Variants in CAMK1D observed in about 807,000 individuals in gnomAD.
CAMK1D encodes calcium/calmodulin-dependent protein kinase type 1D.
CAMK1D carries 9 observed loss-of-function variants against 47.7 expected under a neutral mutation model. The ratio of observed to expected loss-of-function variants is 0.19; its 90% CI spans 0.11 to 0.33. The LOEUF (loss-of-function observed/expected upper bound fraction) is 0.33. Among genes scored for constraint, CAMK1D ranks in the 10% least tolerant of loss-of-function variants. The probability of loss-of-function intolerance (pLI) is 1.00; values close to 1 mark genes in which losing one functional copy is unlikely to be tolerated. For synonymous variants in CAMK1D, 184 were observed against 184.9 expected (o/e 0.99, Z 0.04); for missense variants, 291 against 488.7 (o/e 0.60, Z 3.81).
At chr10:12,564,660 T>C (rs1410735742) in intron 2 of CAMK1D, among the ~76,000 whole-genome samples, 1 of 152,220 alleles carries the variant, frequency 6.6e-6, no homozygotes, top group East Asian at 1.9e-4. Context: ...TGGATTAATA[T>C]CCATTTTTTA....
intron 1 of CAMK1D, among the ~76,000 whole-genome samples, chr10:12,492,182 C>T (rs572282574): frequency 2.0e-4 from 30 of 152,114 alleles, no homozygotes; most frequent in Admixed American, 3.9e-4. Flanking sequence ...GTGGCTGTTG[C>T]GGCTGCAGGC....
At chr10:12,688,504 A>G (rs1174001332) in intron 3 of CAMK1D, among the ~76,000 whole-genome samples, 2 of 152,024 alleles carry the variant, frequency 1.3e-5, no homozygotes, top group African/African-American at 2.4e-5. Context: ...CCTTAATTTT[A>G]CCAGTTTTTT....
chr10:12,720,915 A>T (rs1834344330), intron 3 of CAMK1D, among the ~76,000 whole-genome samples: 1 of 152,154 alleles, frequency 6.6e-6, no homozygotes, highest in Non-Finnish European at 1.5e-5. Context: ...CATTTTTCAA[A>T]AGTGAACGAC....
intron 6 of CAMK1D, among the ~76,000 whole-genome samples, chr10:12,811,101 C>T (rs925752456): frequency 2.0e-5 from 3 of 152,210 alleles, no homozygotes; most frequent in Non-Finnish European, 4.4e-5. Flanking sequence ...TTGGGTGTGA[C>T]AGTTGCAAAT....
chr10:12,780,642 T>G (rs1837453107), intron 5 of CAMK1D, among the ~76,000 whole-genome samples: 1 of 152,234 alleles, frequency 6.6e-6, no homozygotes, highest in Admixed American at 6.5e-5. Context: ...TCTTCACTCC[T>G]CGATGTGGTT....
In CAMK1D at chr10:12,437,155, A is replaced by G. The variant is rs61847414; in HGVS notation, c.92+87245A>G. ...AGACCGACTATCTATCTATCTGTCT[A>G]TCTATCATCTATCTGTCCATCTGTC... On this transcript the variant is annotated intron_variant, in intron 1 of 10. Coordinates refer to ENST00000619168, the MANE Select transcript of CAMK1D (RefSeq NM_153498.4). Among the ~76,000 whole-genome samples the G allele has an allele frequency of 6.5e-5, 8 of 122,410 alleles. No individual in the cohort carries two copies. In the South Asian group the frequency reaches 8.3e-4, roughly 13 times the overall value. 80.3% of individuals were successfully genotyped at this position (122,410 alleles called of 152,430 possible).
intron 1 of CAMK1D, among the ~76,000 whole-genome samples, chr10:12,353,171 C>A (rs1241959367): frequency 6.6e-6 from 1 of 152,110 alleles, no homozygotes; most frequent in Non-Finnish European, 1.5e-5. Context: ...TGAGTCTGGG[C>A]CCTTCTCTTG....
intron 1 of CAMK1D, among the ~76,000 whole-genome samples, chr10:12,476,479 A>C (rs181393201): frequency 6.6e-6 from 1 of 152,278 alleles, no homozygotes; most frequent in Admixed American, 6.5e-5. Flanking sequence ...GGGTAAAGAT[A>C]ATTACAATGT....
chr10:12,641,349 C>T (rs576450518), intron 2 of CAMK1D, among the ~76,000 whole-genome samples: 16 of 152,218 alleles, frequency 1.1e-4, no homozygotes, highest in Admixed American at 1.3e-4. Flanking sequence ...TGGCTGGGCA[C>T]GGTGGCTCAT....
intron 6 of CAMK1D, among the ~76,000 whole-genome samples, chr10:12,806,106 T>C (rs932624430): frequency 1.3e-5 from 2 of 152,178 alleles, no homozygotes; most frequent in Non-Finnish European, 2.9e-5. Context: ...AGAGCAGCCC[T>C]GGGCACAGAG....
intron 1 of CAMK1D, among the ~76,000 whole-genome samples, chr10:12,403,969 T>A (rs1237294977): frequency 7.6e-6 from 1 of 132,142 alleles, no homozygotes; most frequent in Non-Finnish European, 1.6e-5. Flanking sequence ...TTGAAAACTT[T>A]CCTGTTGCTT....
At chr10:12,490,353 A>G (rs1325561543) in intron 1 of CAMK1D, among the ~76,000 whole-genome samples, 2 of 152,092 alleles carry the variant, frequency 1.3e-5, no homozygotes, top group Non-Finnish European at 2.9e-5. Flanking sequence ...CAGGGATGTT[A>G]GGTCCTGTGG....
intron 1 of CAMK1D, among the ~76,000 whole-genome samples, chr10:12,533,448 T>C (rs1835870927): frequency 6.6e-6 from 1 of 152,242 alleles, no homozygotes; most frequent in Non-Finnish European, 1.5e-5. Flanking sequence ...ATCATGAGTT[T>C]ATCCTTTTAA....
At chr10:12,821,306 A>G (rs1053817864) in intron 8 of CAMK1D, among the ~76,000 whole-genome samples, 2 of 152,244 alleles carry the variant, frequency 1.3e-5, no homozygotes, top group Non-Finnish European at 2.9e-5. Flanking sequence ...ATATCAGGCT[A>G]GTATTTGGCC....
chr10:12,630,912 A>C (rs762101772), intron 2 of CAMK1D, among the ~76,000 whole-genome samples: 2 of 152,132 alleles, frequency 1.3e-5, no homozygotes, highest in Non-Finnish European at 2.9e-5. Context: ...GGACAGGAGG[A>C]CCAGATTGCC....
At chr10:12,795,055 A>G (rs948994785) in intron 6 of CAMK1D, among the ~76,000 whole-genome samples, 3 of 152,130 alleles carry the variant, frequency 2.0e-5, no homozygotes, top group Admixed American at 6.5e-5. Flanking sequence ...AAGAATGATA[A>G]GTTTGAGGCT....
chr10:12,429,865 G>A (rs954272674), intron 1 of CAMK1D, among the ~76,000 whole-genome samples: 16 of 152,254 alleles, frequency 1.1e-4, no homozygotes, highest in African/African-American at 3.6e-4. Flanking sequence ...CCTCCACCGA[G>A]GATGCGTGAA....
At chr10:12,619,314 G>A (rs1317964218) in intron 2 of CAMK1D, among the ~76,000 whole-genome samples, 3 of 151,314 alleles carry the variant, frequency 2.0e-5, no homozygotes, top group East Asian at 1.9e-4. Flanking sequence ...TTTTTGAGAC[G>A]GGGTCTTGCT....
chr10:12,500,728 A>G (rs764298995), intron 1 of CAMK1D, among the ~76,000 whole-genome samples: 7 of 152,138 alleles, frequency 4.6e-5, no homozygotes, highest in Admixed American at 1.3e-4. Flanking sequence ...CCTTGAATCA[A>G]CCTCCTTTTT....
Sources: gnomAD v4.1 joint callset for allele counts (sites outside exome capture counted in the v4.1 genomes callset) on GRCh38, gnomAD v4.1.1 for gene constraint, MANE v1.5 for transcripts, NCBI Gene and HGNC (gene_info 2026-07-23, HGNC 2026-07-21) for gene names.